Variants in INSYN2A observed in about 807,000 individuals in gnomAD.
The protein encoded by INSYN2A is inhibitory synaptic factor 2A, also known as family with sequence similarity 196 member A.
A neutral mutation model predicts 39.4 loss-of-function variants in INSYN2A; 17 were observed. The ratio of observed to expected loss-of-function variants is 0.43; its 90% CI spans 0.30 to 0.65. The LOEUF is 0.65. INSYN2A is among the 30% of genes least tolerant of loss of function. The pLI is 0.14. For synonymous variants in INSYN2A, 255 were observed against 265.7 expected (o/e 0.96, Z 0.39); for missense variants, 595 against 631.2 (o/e 0.94, Z 0.61).
Position 127,176,619 on chromosome 10 carries a change from G to A in INSYN2A, c.-5-219C>T, listed in dbSNP as rs750775302. Among the ~76,000 whole-genome samples, 4 of 152,176 alleles carry A rather than the reference G, an allele frequency of 2.6e-5. No homozygotes were observed. Among genetic ancestry groups the A allele is most frequent in the Admixed American group, 6.5e-5 (1 of 15,278 alleles). On this transcript the variant is annotated intron_variant, in intron 3 of 5. Transcript: ENST00000522781. The surrounding 1 kb of genome is among the most constrained non-coding windows in gnomAD (Gnocchi z 4.4). ...ATATTAAAGCCTGCTTGCTTTTCCA[G>A]GTGGGATACACTCGCTTTCCTTTTG...
At chr10:127,144,012 C>G (rs1353178713) in intron 5 of INSYN2A, among the ~76,000 whole-genome samples, 1 of 152,144 alleles carries the variant, frequency 6.6e-6, no homozygotes, top group East Asian at 1.9e-4. Context: ...GCTCAACTTG[C>G]TCCTCCTGCC....
intron 5 of INSYN2A, among the ~76,000 whole-genome samples, chr10:127,153,598 A>G (rs1185358464): frequency 6.6e-6 from 1 of 152,212 alleles, no homozygotes; most frequent in East Asian, 1.9e-4. Flanking sequence ...GGAGCAAGCC[A>G]TCAAACTTAT....
chr10:127,172,906 T>A (rs895391429), intron 4 of INSYN2A, among the ~76,000 whole-genome samples: 1 of 152,232 alleles, frequency 6.6e-6, no homozygotes, highest in Non-Finnish European at 1.5e-5. Flanking sequence ...TGTATGTGGC[T>A]ATCGAGCATT....
intron 2 of INSYN2A, among the ~76,000 whole-genome samples, chr10:127,190,814 C>A (rs1025502329): frequency 6.6e-6 from 1 of 151,716 alleles, no homozygotes; most frequent in African/African-American, 2.4e-5. Context: ...AGGTTTTACT[C>A]ATAGCTGCCC....
chr10:127,168,495 G>A (rs61874030), intron 4 of INSYN2A, among the ~76,000 whole-genome samples: 42 of 152,292 alleles, frequency 2.8e-4, no homozygotes, highest in Non-Finnish European at 5.6e-4. Context: ...CAGGGAACAC[G>A]GCACTCAGTA....
At chr10:127,142,494 T>G (rs1291987209) in intron 5 of INSYN2A, among the ~76,000 whole-genome samples, 1 of 152,170 alleles carries the variant, frequency 6.6e-6, no homozygotes, top group African/African-American at 2.4e-5. Context: ...GAAAAAGTCC[T>G]GATTCTTGAG....
In INSYN2A at chr10:127,136,764, G is replaced by A. The variant is rs2050737117; in HGVS notation, c.*1073C>T. The A allele has an allele frequency of 6.5e-6, 1 of 152,672 alleles. No homozygotes were observed. The highest frequency in any genetic ancestry group is 2.4e-5 in the African/African-American group (1 of 41,456). The allele number at this position is 152,672 out of a possible 1,614,324, so 9.5% of individuals were successfully genotyped here. On this transcript the variant is annotated 3_prime_UTR_variant, in exon 6 of 6. Transcript: ENST00000522781. ...AGTACAACTTACTAATAGGTTAAATGTAGGCGACATTGTCCCTTGGTAGCA... is the reference window on the plus strand; with the variant it reads ...AGTACAACTTACTAATAGGTTAAATATAGGCGACATTGTCCCTTGGTAGCA...
intron 4 of INSYN2A, among the ~76,000 whole-genome samples, chr10:127,163,710 G>A (rs528229701): frequency 2.0e-5 from 3 of 151,552 alleles, no homozygotes; most frequent in Non-Finnish European, 2.9e-5. Context: ...AAGATCAGTC[G>A]TCTTCTGCTT....
chr10:127,152,905 C>T (rs189867104), intron 5 of INSYN2A, among the ~76,000 whole-genome samples: 2 of 152,136 alleles, frequency 1.3e-5, no homozygotes, highest in Non-Finnish European at 2.9e-5. Context: ...CTGTCTGGAT[C>T]GGAGGCATGG....
At chr10:127,188,420 C>T (rs1007305244) in intron 2 of INSYN2A, among the ~76,000 whole-genome samples, 1 of 152,130 alleles carries the variant, frequency 6.6e-6, no homozygotes, top group African/African-American at 2.4e-5. Context: ...AGACGCAAAA[C>T]ATTTAGAATT....
chr10:127,144,154 ACT>A (rs761108886), intron 5 of INSYN2A, among the ~76,000 whole-genome samples: 3 of 151,584 alleles, frequency 2.0e-5, no homozygotes, highest in Admixed American at 6.6e-5. Flanking sequence ...AGTCTCCCTC[ACT>A]CTCTGTATTC....
chr10:127,162,894 A>T (rs1186129762), intron 4 of INSYN2A, among the ~76,000 whole-genome samples: 1 of 152,114 alleles, frequency 6.6e-6, no homozygotes, highest in African/African-American at 2.4e-5. Flanking sequence ...TAAAATCCAG[A>T]AGACCTTTGT....
At chr10:127,139,739 T>C (rs537982112) in intron 5 of INSYN2A, among the ~76,000 whole-genome samples, 2 of 152,246 alleles carry the variant, frequency 1.3e-5, no homozygotes, top group Admixed American at 1.3e-4. Context: ...CTTCAATTCT[T>C]TCACTTCAAG....
At position 127,175,735 on chromosome 10, in the gene INSYN2A, C is replaced by T. The variant is rs142627987; in HGVS notation, c.661G>A (p.Asp221Asn). 1.2e-4 allele frequency: 194 copies of T among 1,614,078 alleles called. 1 individual carries two copies. The African/African-American group carries it at 1.5e-3, about 12-fold the overall frequency. ...TTGGCCCTCCCGAGCAGCTGGTAAT[C>T]GGGCTCTTCGGATGGAGGCCGAGTG... ...NSTRPPSEEP[D>N]YQLLGRAKQD... is the part of the protein sequence containing the mutation. The change falls in exon 4 of 6, where the codon GAT becomes AAT. Residue 221 changes from aspartate to asparagine, a missense_variant. Transcript: ENST00000522781. This position sits in a 1 kb window ranked among gnomAD's most constrained non-coding sequence, Gnocchi z 6.3.
At chr10:127,188,121 T>A (rs934657740) in intron 2 of INSYN2A, among the ~76,000 whole-genome samples, 9 of 152,168 alleles carry the variant, frequency 5.9e-5, no homozygotes, top group Admixed American at 6.5e-5. Flanking sequence ...AGAATGAACC[T>A]GGACATCAGC....
intron 5 of INSYN2A, among the ~76,000 whole-genome samples, chr10:127,146,953 A>G (rs1564840352): frequency 6.6e-6 from 1 of 152,180 alleles, no homozygotes; most frequent in African/African-American, 2.4e-5. Context: ...TCTTTTTGCA[A>G]TACACTCGGA....
chr10:127,187,158 C>T (rs1448774676), intron 2 of INSYN2A, among the ~76,000 whole-genome samples: 1 of 152,244 alleles, frequency 6.6e-6, no homozygotes, highest in Non-Finnish European at 1.5e-5. Context: ...ACACATAACA[C>T]ATTAAGTGTT....
intron 2 of INSYN2A, among the ~76,000 whole-genome samples, 170 bp from the exon 3 acceptor site, chr10:127,177,309 T>C (rs1429437012): frequency 6.6e-6 from 1 of 152,182 alleles, no homozygotes; most frequent in Non-Finnish European, 1.5e-5. Flanking sequence ...GGCTGAATTA[T>C]TAAATGCAGC....
rs1394736395 is a variant in INSYN2A, at chr10:127,141,490, A to G, written c.1257-3470T>C. 3.9e-5 allele frequency among the ~76,000 whole-genome samples: 6 copies of G among 152,190 alleles called. No individual in the cohort carries two copies. In the East Asian group the frequency reaches 1.2e-3, roughly 29 times the overall value. ...GGCCGAGGTGGGCGGATCACTTGAG[A>G]TCAGGAGTTCAAGACCAGTCTGGCC... is the stretch of plus-strand genomic sequence containing the variant. On this transcript the variant is annotated intron_variant, in intron 5 of 5. Coordinates refer to ENST00000522781, the MANE Select transcript of INSYN2A (RefSeq NM_001039762.3).
Sources: gnomAD v4.1 joint callset for allele counts (sites outside exome capture counted in the v4.1 genomes callset) on GRCh38, gnomAD v4.1.1 for gene constraint, Gnocchi (gnomAD v3.1) non-coding constraint, MANE v1.5 for transcripts, NCBI Gene and HGNC (gene_info 2026-07-23, HGNC 2026-07-21) for gene names.